The following COL6A3 variants were observed in gnomAD, a reference collection of about 807,000 sequenced individuals.
COL6A3 encodes collagen type VI alpha 3 chain, also known as collagen alpha-3(VI) chain.
A neutral mutation model predicts 274.1 loss-of-function variants in COL6A3; 137 were observed. That is an observed-to-expected ratio of 0.50 (90% confidence interval 0.44 to 0.58). COL6A3 has a LOEUF of 0.58. Ranked by LOEUF, COL6A3 falls within the 20% of genes least tolerant of loss-of-function variation. The pLI, the probability that COL6A3 is intolerant of heterozygous loss-of-function variation, is 0.00. For synonymous variants in COL6A3, 1,650 were observed against 1,650.6 expected (o/e 1.00, Z 0.01); for missense variants, 3,950 against 4,124.9 (o/e 0.96, Z 1.16).
chr2:237,363,421 T>C (rs1384512841), intron 13 of COL6A3, 23 bp from the exon 14 acceptor site: 3 of 1,613,968 alleles, frequency 1.9e-6, no homozygotes, highest in East Asian at 4.5e-5. Context: ...ACACATTTAA[T>C]ACAGCTCACC....
rs2106324371 is a variant in COL6A3, at chr2:237,344,162, C to T, written c.7668+188G>A. 1.2e-6 allele frequency: 1 copy of T among 813,014 alleles called. No homozygotes were observed. 50.4% of individuals were successfully genotyped at this position (813,014 alleles called of 1,614,324 possible). ...GGCAGTGCTACAAGCATGTAGGCGT[C>T]CCTGTAGTGCTGGAGCCACGAGGTT... On this transcript the variant is annotated intron_variant, in intron 36 of 43. Transcript: ENST00000295550. This position sits in a 1 kb window ranked among gnomAD's most constrained non-coding sequence, Gnocchi z 4.8.
chr2:237,372,185 C>T lies in COL6A3; in HGVS notation c.3832G>A (p.Asp1278Asn), dbSNP rs752309834. The T allele has an allele frequency of 3.1e-6, 5 of 1,614,128 alleles. No individual in the cohort carries two copies. The highest frequency in any genetic ancestry group is 2.2e-5 in the East Asian group (1 of 44,870). The part of the protein sequence containing the change: ...TTRVAVIQFS[D>N]DPKVEFLLNA... ...AGCAGGAACTCCACCTTGGGGTCAT[C>T]GCTGAACTGGATGACAGCCACCCGG... The change falls in exon 9 of 44, where the codon GAT (aspartate) becomes AAT (asparagine). Residue 1278 changes from aspartate to asparagine, a missense_variant. Coordinates refer to ENST00000295550, the MANE Select transcript of COL6A3 (RefSeq NM_004369.4).
intron 4 of COL6A3, among the ~76,000 whole-genome samples, chr2:237,384,576 G>A (rs141325189): frequency 1.1e-4 from 16 of 152,118 alleles, no homozygotes; most frequent in South Asian, 4.2e-4. Context: ...TGCCACGCTC[G>A]GAACTCCAGA....
rs371637449 is a variant in COL6A3, at chr2:237,347,854, G to A, written c.6982C>T (p.Pro2328Ser). 27 of 1,610,258 alleles carry A rather than the reference G, an allele frequency of 1.7e-5. No individual in the cohort carries two copies. The highest frequency in any genetic ancestry group is 2.2e-5 in the Non-Finnish European group (26 of 1,178,192). Residue 2328 changes from proline to serine, a missense_variant, in exon 31 of 44, where the codon CCT (proline) becomes TCT (serine). Transcript: ENST00000295550. Reference sequence around the variant, plus strand: ...GGTCCTGTTGTTCCATTTAGCCCAGGTTCACCTGGGTTACCCTGGGAAGAA... The same window carrying A: ...GGTCCTGTTGTTCCATTTAGCCCAGATTCACCTGGGTTACCCTGGGAAGAA... ...YPGPKGNPGE[P>S]GLNGTTGPKG... is the part of the protein sequence containing the mutation.
At chr2:237,378,603 G>C in intron 6 of COL6A3, 33 bp downstream of exon 6, 1 of 1,612,136 alleles carries the variant, frequency 6.2e-7, no homozygotes, top group South Asian at 1.1e-5. Flanking sequence ...TCTGAGGAAG[G>C]AGAGGGAGTT....
intron 20 of COL6A3, 126 bp downstream of exon 20, chr2:237,358,909 A>AG: frequency 1.0e-6 from 1 of 984,426 alleles, no homozygotes; most frequent in Admixed American, 1.7e-5. Flanking sequence ...GTGCACTCAC[A>AG]GGGGAGGTCA....
At chr2:237,406,221 C>A (rs2078715543) in intron 1 of COL6A3, among the ~76,000 whole-genome samples, 1 of 152,142 alleles carries the variant, frequency 6.6e-6, no homozygotes, top group South Asian at 2.1e-4. Flanking sequence ...TTTTGCAATT[C>A]TGTAAATTAG....
At chr2:237,378,036 G>A (rs1414034358) in intron 6 of COL6A3, among the ~76,000 whole-genome samples, 1 of 152,168 alleles carries the variant, frequency 6.6e-6, no homozygotes, top group Non-Finnish European at 1.5e-5. Context: ...GTTTCAATTG[G>A]TTTAGTCTTG....
intron 37 of COL6A3, 60 bp from the exon 38 acceptor site, chr2:237,341,210 A>C: frequency 9.3e-5 from 136 of 1,466,088 alleles, no homozygotes; most frequent in Non-Finnish European, 1.2e-4. Context: ...TACACAGCTC[A>C]TCAATCTGCT....
In COL6A3 at chr2:237,346,513, G is replaced by T; in HGVS notation, c.7082C>A (p.Pro2361Gln). The change falls in exon 32 of 44, where the codon CCA becomes CAA. Residue 2361 changes from proline (P) to glutamine (Q), a missense_variant. By Grantham distance (76) the Pro-to-Gln change is moderately conservative. This residue lies in a region of COL6A3 where 1,284 missense variants were observed against 1,349.7 expected (regional missense o/e 0.95). Transcript: ENST00000295550. ...IVGQKGDPGY[P>Q]GPAGPKGNRG... is the part of the protein sequence containing the mutation. ...TGGATAAATACTTACAGCTGGTCCT[G>T]GGTAGCCAGGGTCTCCCTTCTGTCC... 6.2e-7 allele frequency: 1 copy of T among 1,613,936 alleles called. No homozygotes were observed. Among genetic ancestry groups the T allele is most frequent in the East Asian group, 2.2e-5 (1 of 44,868 alleles).
In COL6A3 at chr2:237,410,209, C is replaced by T. The variant is rs62184858; in HGVS notation, c.-31+3744G>A. On this transcript the variant is annotated intron_variant, in intron 1 of 43. Transcript: ENST00000295550. ...CCACTTCAGAGATTTTTCTGAAGCT[C>T]GCAGAGATACACCTCCCTCTAGAGG... Among the ~76,000 whole-genome samples the T allele has an allele frequency of 4.5e-3, 690 of 152,150 alleles. 6 individuals are homozygous for T. Among genetic ancestry groups the T allele is most frequent in the Non-Finnish European group, 6.9e-3 (471 of 68,010 alleles).
chr2:237,374,545 C>T lies in COL6A3; in HGVS notation c.3546G>A (p.Pro1182=), dbSNP rs1220603234. ...AGGTGGGAATGGCCACGGCAAAGTC[C>T]GGGATGAAGGAGATGGTCTGCATCT... ...ITEMQTISFI[P]DFAVAIPTFR... Residue 1182 remains proline (P), a synonymous_variant, in exon 8 of 44, where the codon CCG becomes CCA. Transcript: ENST00000295550. The surrounding 1 kb of genome is among the most constrained non-coding windows in gnomAD (Gnocchi z 4.8). 6.8e-6 allele frequency: 11 copies of T among 1,614,206 alleles called. No homozygotes were observed. The highest frequency in any genetic ancestry group is 2.2e-5 in the East Asian group (1 of 44,872).
Position 237,377,309 on chromosome 2 carries a change from A to T in COL6A3, c.2533T>A (p.Ser845Thr), listed in dbSNP as rs899533762. The change falls in exon 7 of 44, where the codon TCA (serine) becomes ACA (threonine). Residue 845 changes from serine to threonine, a missense_variant. Around this residue, in one of 5 missense-constraint regions of COL6A3, gnomAD observed 1,934 missense variants for 1,984.3 expected, o/e 0.97. Transcript: ENST00000295550. ...GGGAACTGGCCCACAAGATTGGCTG[A>T]GCCGTCAAAGAGGAACAGAATGTCT... ...KRDILFLFDG[S>T]ANLVGQFPVV... is the part of the protein sequence containing the mutation. 3.1e-6 allele frequency: 5 copies of T among 1,601,562 alleles called. No homozygotes were observed. The Admixed American group carries it at 8.3e-5, about 27-fold the overall frequency.
chr2:237,343,077 G>C (rs897272046), intron 36 of COL6A3: 2 of 152,240 alleles, frequency 1.3e-5, no homozygotes, highest in Non-Finnish European at 2.9e-5. Context: ...ACTTTAAATG[G>C]GTGGGGGGAG....
At chr2:237,357,196 A>G in intron 23 of COL6A3, 142 bp downstream of exon 23, 2 of 803,358 alleles carry the variant, frequency 2.5e-6, no homozygotes, top group Admixed American at 1.7e-5. Flanking sequence ...ATGAAAATAG[A>G]TTGGAGTAAC....
chr2:237,397,950 G>T (rs1394863874), intron 1 of COL6A3, among the ~76,000 whole-genome samples: 1 of 152,196 alleles, frequency 6.6e-6, no homozygotes, highest in Non-Finnish European at 1.5e-5. Flanking sequence ...GAGCAGAATG[G>T]AAATGGGTCA....
intron 5 of COL6A3, among the ~76,000 whole-genome samples, chr2:237,379,939 A>G (rs1251242175): frequency 1.3e-5 from 2 of 152,252 alleles, no homozygotes; most frequent in East Asian, 3.8e-4. Context: ...TATACACATC[A>G]AGAATAAAAA....
At chr2:237,362,796 A>C (rs1316096391) in intron 14 of COL6A3, among the ~76,000 whole-genome samples, 1 of 152,178 alleles carries the variant, frequency 6.6e-6, no homozygotes, top group Non-Finnish European at 1.5e-5. Context: ...AGGGAGCTTC[A>C]TTGACACAGA....
chr2:237,394,923 T>C lies in COL6A3; in HGVS notation c.373A>G (p.Ile125Val), dbSNP rs368077444. Residue 125 changes from isoleucine to valine, a missense_variant, in exon 3 of 44, where the codon ATA (isoleucine) becomes GTA (valine). Transcript: ENST00000295550. ...GCCTTGGTGAGGTGGCTTTGCATTA[T>C]GTATTCTAATCCTTTTCCAGTCTGA... ...TNQTGKGLEY[I>V]MQSHLTKAAG... 6 of 1,613,416 alleles carry C rather than the reference T, an allele frequency of 3.7e-6. No homozygotes were observed. Among genetic ancestry groups the C allele is most frequent in the South Asian group, 1.1e-5 (1 of 91,068 alleles).
Sources: gnomAD v4.1 joint callset for allele counts (sites outside exome capture counted in the v4.1 genomes callset) on GRCh38, gnomAD v4.1.1 for gene constraint, gnomAD v4.1.1 regional missense constraint, Gnocchi (gnomAD v3.1) non-coding constraint, MANE v1.5 for transcripts, NCBI Gene and HGNC (gene_info 2026-07-23, HGNC 2026-07-21) for gene names.